The following PRMT3 variants were observed in gnomAD, a reference collection of about 807,000 sequenced individuals.
PRMT3 encodes protein arginine methyltransferase 3, also known as protein arginine N-methyltransferase 3.
In PRMT3, 62 loss-of-function variants were observed where a neutral mutation model predicts 71.9. The observed-to-expected ratio is 0.86, with a 90% CI of 0.70 to 1.07. The LOEUF (loss-of-function observed/expected upper bound fraction) is 1.07, where lower values mean the gene tolerates loss of function less well. Ranked by LOEUF, PRMT3 falls within the 50% of genes least tolerant of loss-of-function variation. The pLI is 0.00. For missense variants in PRMT3, 663 were observed against 643.0 expected, an observed-to-expected ratio of 1.03 and a Z score of -0.34; for synonymous variants, 213 against 220.4, an observed-to-expected ratio of 0.97 and a Z score of 0.30.
At chr11:20,402,602 C>A (rs2133313082) in intron 7 of PRMT3, among the ~76,000 whole-genome samples, 1 of 151,624 alleles carries the variant, frequency 6.6e-6, no homozygotes, top group Non-Finnish European at 1.5e-5. Flanking sequence ...TTGAAAGGAG[C>A]AAAACATGTT....
At chr11:20,455,658 G>T (rs1370265711) in intron 11 of PRMT3, among the ~76,000 whole-genome samples, 1 of 151,468 alleles carries the variant, frequency 6.6e-6, no homozygotes. Flanking sequence ...AAGGGTGCAG[G>T]ATGGGGGGTA....
chr11:20,487,805 ACT>A (rs1468080132), intron 13 of PRMT3, among the ~76,000 whole-genome samples: 2 of 152,182 alleles, frequency 1.3e-5, no homozygotes, highest in African/African-American at 4.8e-5. Flanking sequence ...CGTGTTACAG[ACT>A]CTGAAGATGA....
chr11:20,489,357 G>C (rs945288847), intron 13 of PRMT3, among the ~76,000 whole-genome samples: 1 of 152,028 alleles, frequency 6.6e-6, no homozygotes, highest in South Asian at 2.1e-4. Flanking sequence ...AGATATATAC[G>C]TGAGACAAAG....
chr11:20,461,988 G>T lies in PRMT3; in HGVS notation c.1081G>T (p.Asp361Tyr), dbSNP rs1565222590. 1 of 1,578,164 alleles carries T rather than the reference G, an allele frequency of 6.3e-7. No homozygotes were observed. Among genetic ancestry groups the T allele is most frequent in the East Asian group, 2.3e-5 (1 of 44,310 alleles). The part of the protein sequence containing the change: ...YLAKGGSVYP[D>Y]ICTISLVAVS... Reference sequence around the variant, plus strand: ...CATTTTGTTTGTTACAGTCTACCCTGACATTTGCACTATCAGCCTTGTAGC... The same window carrying T: ...CATTTTGTTTGTTACAGTCTACCCTTACATTTGCACTATCAGCCTTGTAGC... The change falls in exon 12 of 16, where the codon GAC becomes TAC. Residue 361 changes from aspartate to tyrosine, a missense_variant. Transcript: ENST00000331079.
chr11:20,418,636 T>A (rs1005637049), intron 9 of PRMT3, among the ~76,000 whole-genome samples: 1 of 152,186 alleles, frequency 6.6e-6, no homozygotes, highest in Non-Finnish European at 1.5e-5. Flanking sequence ...AACATTTTTC[T>A]CTTTTAAAAG....
Position 20,451,303 on chromosome 11 carries a change from T to C in PRMT3, c.994-827T>C, listed in dbSNP as rs117607364. On this transcript the variant is annotated intron_variant, in intron 10 of 15. Coordinates refer to ENST00000331079, the MANE Select transcript of PRMT3 (RefSeq NM_005788.4). Reference sequence around the variant, plus strand: ...CTGCAAGGTGTTGATAGATGTTAAATAGAAAAAAAAAAGGTCTGTAGTCAG... The same window carrying C: ...CTGCAAGGTGTTGATAGATGTTAAACAGAAAAAAAAAAGGTCTGTAGTCAG... 2.4e-3 allele frequency among the ~76,000 whole-genome samples: 362 copies of C among 150,158 alleles called. 1 individual carries two copies. The highest frequency in any genetic ancestry group is 4.2e-3 in the Non-Finnish European group (284 of 67,448).
At position 20,423,873 on chromosome 11, in the gene PRMT3, TAAAAAAAAAAAAAAAAAAA is replaced by T. The variant is rs58636447; in HGVS notation, c.894-2882_894-2864del. 1.5e-4 allele frequency among the ~76,000 whole-genome samples: 4 copies of T among 27,116 alleles called. No individual in the cohort carries two copies. In the East Asian group the frequency reaches 3.4e-3, roughly 23 times the overall value. The allele number at this position is 27,116 out of a possible 152,430, so 17.8% of individuals were successfully genotyped here. A position where few individuals can be genotyped will look rare whatever the true frequency, so the allele number is the denominator to read the frequency against. On this transcript the variant is annotated intron_variant, in intron 9 of 15. Transcript: ENST00000331079. ...TGAGTGACAGAGTGAGATTCTCTCT[TAAAAAAAAAAAAAAAAAAA>T]AAAAAAAAAAGGCCAGGCGCGGTGG...
chr11:20,412,562 CA>C (rs1565201025), intron 9 of PRMT3, among the ~76,000 whole-genome samples: 1 of 152,072 alleles, frequency 6.6e-6, no homozygotes, highest in Non-Finnish European at 1.5e-5. Flanking sequence ...ATTTCCCTCC[CA>C]CCTTTTTTGT....
intron 9 of PRMT3, among the ~76,000 whole-genome samples, chr11:20,420,544 T>C (rs779988921): frequency 6.6e-6 from 1 of 152,164 alleles, no homozygotes; most frequent in African/African-American, 2.4e-5. Flanking sequence ...TTTCACGGAT[T>C]GCAGGCGCTA....
intron 10 of PRMT3, among the ~76,000 whole-genome samples, chr11:20,439,634 C>T (rs1401422491): frequency 6.6e-6 from 1 of 152,126 alleles, no homozygotes; most frequent in Non-Finnish European, 1.5e-5. Flanking sequence ...CATTTTAGAA[C>T]TGATGAAATA....
intron 7 of PRMT3, among the ~76,000 whole-genome samples, chr11:20,399,632 G>A (rs975142023): frequency 2.6e-5 from 4 of 151,950 alleles, no homozygotes; most frequent in African/African-American, 4.8e-5. Context: ...CATTCCTTTG[G>A]TATGGAAATT....
chr11:20,398,866 C>T (rs1848889762), intron 7 of PRMT3, among the ~76,000 whole-genome samples: 1 of 152,182 alleles, frequency 6.6e-6, no homozygotes, highest in African/African-American at 2.4e-5. Flanking sequence ...GTTCACACAA[C>T]AACACATTTC....
intron 13 of PRMT3, among the ~76,000 whole-genome samples, chr11:20,486,250 C>G (rs1242476851): frequency 6.6e-6 from 1 of 152,102 alleles, no homozygotes; most frequent in Admixed American, 6.6e-5. Flanking sequence ...GATGGTTACA[C>G]AACTCTGAGT....
intron 11 of PRMT3, among the ~76,000 whole-genome samples, chr11:20,460,810 C>T (rs530011044): frequency 3.3e-5 from 5 of 152,316 alleles, no homozygotes; most frequent in African/African-American, 1.2e-4. Context: ...TTTTGCCCCA[C>T]AGCCACTCAG....
chr11:20,417,716 T>A (rs1165857815), intron 9 of PRMT3, among the ~76,000 whole-genome samples: 1 of 152,162 alleles, frequency 6.6e-6, no homozygotes, highest in East Asian at 1.9e-4. Context: ...CTATCTCTTG[T>A]TGCTCTAGTC....
chr11:20,424,427 G>A (rs113709900), intron 9 of PRMT3, among the ~76,000 whole-genome samples: 2 of 152,210 alleles, frequency 1.3e-5, no homozygotes, highest in African/African-American at 4.8e-5. Flanking sequence ...AAGTAATTCC[G>A]TAAGTTAGTG....
At chr11:20,390,363 C>T (rs553836903) in intron 3 of PRMT3, among the ~76,000 whole-genome samples, 1 of 152,088 alleles carries the variant, frequency 6.6e-6, no homozygotes, top group Non-Finnish European at 1.5e-5. Context: ...AAAACAAAAA[C>T]AGACTTGGCA....
chr11:20,508,180 CCT>C (rs1851640096), intron 15 of PRMT3, 122 bp from the exon 16 acceptor site: 2 of 397,736 alleles, frequency 5.0e-6, no homozygotes, highest in South Asian at 7.8e-5. Flanking sequence ...AGAATATTAA[CCT>C]TAAATAAAGT....
At chr11:20,426,905 G>GA in intron 10 of PRMT3, 40 bp downstream of exon 10, 1 of 1,487,408 alleles carries the variant, frequency 6.7e-7, no homozygotes, top group Non-Finnish European at 8.9e-7. Context: ...CTGGTAAAAT[G>GA]AAAAAACTTT....
Sources: gnomAD v4.1 joint callset for allele counts (sites outside exome capture counted in the v4.1 genomes callset) on GRCh38, gnomAD v4.1.1 for gene constraint, MANE v1.5 for transcripts, NCBI Gene and HGNC (gene_info 2026-07-23, HGNC 2026-07-21) for gene names.